The following ARB2A variants were observed in gnomAD, a reference collection of about 807,000 sequenced individuals.
The protein encoded by ARB2A is ARB2 cotranscriptional regulator A.
the ARB2A span, among the ~76,000 whole-genome samples, chr5:93,918,264 A>C: frequency 6.6e-6 from 1 of 152,106 alleles, no homozygotes; most frequent in Non-Finnish European, 1.5e-5. Context: ...AAAATATTAC[A>C]ATTACAGAAA....
the ARB2A span, chr5:93,621,211 C>A: frequency 1.5e-6 from 2 of 1,345,654 alleles, no homozygotes; most frequent in East Asian, 2.9e-5. Context: ...GGCCGAGCCC[C>A]GGCTCCCGAC....
At chr5:94,035,856 G>C in the ARB2A span, among the ~76,000 whole-genome samples, 1 of 152,030 alleles carries the variant, frequency 6.6e-6, no homozygotes. Flanking sequence ...GGGCCTGTCG[G>C]GGGGAGGAGG....
chr5:94,070,080 T>C, the ARB2A span, among the ~76,000 whole-genome samples: 30 of 151,464 alleles, frequency 2.0e-4, no homozygotes, highest in Non-Finnish European at 3.8e-4. Flanking sequence ...TGTGATATAA[T>C]ATACACAATG....
chr5:93,929,428 C>T, the ARB2A span, among the ~76,000 whole-genome samples: 1 of 152,056 alleles, frequency 6.6e-6, no homozygotes, highest in Non-Finnish European at 1.5e-5. Context: ...ATCTAAAATT[C>T]TGCATGCAAG....
chr5:94,053,036 A>G, the ARB2A span: 41 of 573,774 alleles, frequency 7.1e-5, 1 homozygote, highest in Admixed American at 1.5e-3. Context: ...CTGTCTTATT[A>G]TTCTATGAGC....
At chr5:93,911,406 T>A in the ARB2A span, among the ~76,000 whole-genome samples, 8 of 151,628 alleles carry the variant, frequency 5.3e-5, no homozygotes, top group Non-Finnish European at 1.2e-4. Context: ...CTTGAGATAT[T>A]CACATATGTT....
At chr5:93,874,106 A>G in the ARB2A span, among the ~76,000 whole-genome samples, 38 of 152,216 alleles carry the variant, frequency 2.5e-4, no homozygotes, top group African/African-American at 8.9e-4. Context: ...TCTGATTCCT[A>G]TGTAATATTG....
the ARB2A span, among the ~76,000 whole-genome samples, chr5:93,992,797 C>T: frequency 6.6e-6 from 1 of 152,056 alleles, no homozygotes; most frequent in Admixed American, 6.5e-5. Context: ...TGGACTATAT[C>T]AAAAGAATGG....
chr5:93,908,654 T>C, the ARB2A span, among the ~76,000 whole-genome samples: 1 of 151,004 alleles, frequency 6.6e-6, no homozygotes, highest in Non-Finnish European at 1.5e-5. Flanking sequence ...CACTCTATTC[T>C]ATTAGAATGT....
the ARB2A span, among the ~76,000 whole-genome samples, chr5:93,955,838 T>A: frequency 7.2e-5 from 11 of 152,256 alleles, no homozygotes; most frequent in African/African-American, 2.4e-4. Context: ...CTGGACCACG[T>A]CAACATCTGC....
At chr5:93,801,316 C>T in the ARB2A span, among the ~76,000 whole-genome samples, 1 of 152,096 alleles carries the variant, frequency 6.6e-6, no homozygotes, top group East Asian at 1.9e-4. Context: ...GTTAGCACTA[C>T]ATATAGGCAT....
At chr5:93,817,441 T>C in the ARB2A span, among the ~76,000 whole-genome samples, 2 of 152,202 alleles carry the variant, frequency 1.3e-5, no homozygotes, top group Non-Finnish European at 2.9e-5. Flanking sequence ...TACAAATCTC[T>C]GCTTTTTTAT....
the ARB2A span, among the ~76,000 whole-genome samples, chr5:93,799,000 T>C: frequency 6.6e-6 from 1 of 152,110 alleles, no homozygotes; most frequent in African/African-American, 2.4e-5. Context: ...GTCAACTCAG[T>C]CAAACTGGTT....
At chr5:93,801,073 T>G in the ARB2A span, among the ~76,000 whole-genome samples, 1 of 152,114 alleles carries the variant, frequency 6.6e-6, no homozygotes, top group Non-Finnish European at 1.5e-5. Context: ...CTTTTGACCT[T>G]TATCCAAATG....
At chr5:93,893,088 C>T in the ARB2A span, among the ~76,000 whole-genome samples, 2 of 152,088 alleles carry the variant, frequency 1.3e-5, no homozygotes, top group East Asian at 3.9e-4. Flanking sequence ...TTTTTATCAC[C>T]ACCTTCTGTC....
the ARB2A span, among the ~76,000 whole-genome samples, chr5:93,802,951 C>T: frequency 0.024 from 3,705 of 152,170 alleles, 100 homozygotes; most frequent in East Asian, 0.13. Context: ...ATTTCGCTAA[C>T]ATCCAGAAGG....
chr5:93,741,076 GTCGTCTGGCTAAGCACCTT>G, the ARB2A span: 1 of 1,613,846 alleles, frequency 6.2e-7, no homozygotes. Context: ...GCGGCAGATG[GTCGTCTGGCTAAGCACCTT>G]CCCAAACAGA....
the ARB2A span, among the ~76,000 whole-genome samples, chr5:93,941,153 C>T: frequency 2.0e-5 from 3 of 152,010 alleles, no homozygotes; most frequent in Admixed American, 6.6e-5. Flanking sequence ...ACGGCTTCCC[C>T]GTTCCTTGAA....
At chr5:93,795,951 T>G in the ARB2A span, among the ~76,000 whole-genome samples, 2 of 152,154 alleles carry the variant, frequency 1.3e-5, no homozygotes, top group Non-Finnish European at 2.9e-5. Flanking sequence ...ATATGTCAGA[T>G]AAAGCAAGTT....
Sources: gnomAD v4.1 joint callset for allele counts (sites outside exome capture counted in the v4.1 genomes callset) on GRCh38, gnomAD v4.1.1 for gene constraint, MANE v1.5 for transcripts, NCBI Gene and HGNC (gene_info 2026-07-23, HGNC 2026-07-21) for gene names.